Variants in LRRTM4 observed in about 807,000 individuals in gnomAD.
LRRTM4 encodes leucine rich repeat transmembrane neuronal 4, also known as leucine-rich repeat transmembrane neuronal protein 4.
LRRTM4 carries 25 observed loss-of-function variants against 47.6 expected under a neutral mutation model. That is an observed-to-expected ratio of 0.53 (90% CI 0.38 to 0.73). LRRTM4 has a LOEUF of 0.73. Ranked by LOEUF, LRRTM4 falls within the 30% of genes least tolerant of loss-of-function variation. LRRTM4 has a pLI of 0.00. For synonymous variants in LRRTM4, 311 were observed against 269.5 expected (o/e 1.15, Z -1.51); for missense variants, 638 against 713.4 (o/e 0.89, Z 1.20).
chr2:77,357,271 A>G (rs1486071332), intron 3 of LRRTM4, among the ~76,000 whole-genome samples: 1 of 152,194 alleles, frequency 6.6e-6, no homozygotes. Context: ...AAATAAGAAT[A>G]ACGTCTTACA....
Position 77,285,794 on chromosome 2 carries a change from C to T in LRRTM4, c.1551+232524G>A, listed in dbSNP as rs142893094. Among the ~76,000 whole-genome samples the T allele has an allele frequency of 3.2e-3, 491 of 151,904 alleles. 2 individuals carry two copies. The highest frequency in any genetic ancestry group is 0.011 in the African/African-American group (470 of 41,472). ...GTCTAAAATAAAAGAAAATAAGCAACATATATTTTTAGGTATTCTATACCT... is the reference window on the plus strand; with the variant it reads ...GTCTAAAATAAAAGAAAATAAGCAATATATATTTTTAGGTATTCTATACCT... On this transcript the variant is annotated intron_variant, in intron 3 of 3. Coordinates refer to ENST00000409884, the MANE Select transcript of LRRTM4 (RefSeq NM_001134745.3).
rs568298302 is a variant in LRRTM4 at position 77,347,924 on chromosome 2, T to C, written c.1551+170394A>G. ...TAAGCATGTACATAATTAATGATGC[T>C]TGAACCGTGTCATATTACATAATTG... On this transcript the variant is annotated intron_variant, in intron 3 of 3. Coordinates refer to ENST00000409884, the MANE Select transcript of LRRTM4 (RefSeq NM_001134745.3). Among the ~76,000 whole-genome samples the C allele has an allele frequency of 2.6e-5, 4 of 152,120 alleles. No homozygotes were observed. In the South Asian group the frequency reaches 8.3e-4, roughly 32 times the overall value.
intron 3 of LRRTM4, among the ~76,000 whole-genome samples, chr2:76,923,456 A>T (rs1674495440): frequency 6.6e-6 from 1 of 152,034 alleles, no homozygotes; most frequent in Non-Finnish European, 1.5e-5. Flanking sequence ...GAGCAAAAAA[A>T]AGACAGGGTG....
chr2:77,223,828 A>G lies in LRRTM4; in HGVS notation c.1551+294490T>C, dbSNP rs183017330. Reference sequence around the variant, plus strand: ...CAATGCCATCCCTATCAAGCTACCAATGACTTTCTTTACAGAATTGGAAAA... The same window carrying G: ...CAATGCCATCCCTATCAAGCTACCAGTGACTTTCTTTACAGAATTGGAAAA... On this transcript the variant is annotated intron_variant, in intron 3 of 3. Transcript: ENST00000409884. 4.3e-3 allele frequency among the ~76,000 whole-genome samples: 651 copies of G among 152,328 alleles called. 5 individuals carry two copies. The highest frequency in any genetic ancestry group is 0.015 in the African/African-American group (625 of 41,576).
chr2:77,452,265 T>C (rs550287170), intron 3 of LRRTM4, among the ~76,000 whole-genome samples: 13 of 152,118 alleles, frequency 8.5e-5, no homozygotes, highest in Non-Finnish European at 1.8e-4. Context: ...CAGCATGCAA[T>C]AGGGTGACAG....
intron 3 of LRRTM4, among the ~76,000 whole-genome samples, chr2:76,858,266 G>A (rs754490257): frequency 6.6e-6 from 1 of 152,072 alleles, no homozygotes. Context: ...CCAGGTGAAC[G>A]CCTGAAAAAA....
intron 3 of LRRTM4, among the ~76,000 whole-genome samples, chr2:76,757,386 C>T (rs1214773978): frequency 6.6e-6 from 1 of 152,000 alleles, no homozygotes. Flanking sequence ...GCTCTCCTAC[C>T]AGGATTTGTT....
At chr2:77,195,424 C>T (rs531604570) in intron 3 of LRRTM4, among the ~76,000 whole-genome samples, 4 of 152,070 alleles carry the variant, frequency 2.6e-5, no homozygotes, top group African/African-American at 4.8e-5. Flanking sequence ...ATAAACAAGA[C>T]CATTACACGT....
chr2:77,351,531 T>C (rs963359494), intron 3 of LRRTM4, among the ~76,000 whole-genome samples: 2 of 150,986 alleles, frequency 1.3e-5, no homozygotes, highest in African/African-American at 4.9e-5. Flanking sequence ...ATAAACCAAA[T>C]GATTTGGAAA....
intron 3 of LRRTM4, among the ~76,000 whole-genome samples, chr2:77,065,583 G>C (rs765773489): frequency 6.6e-6 from 1 of 152,110 alleles, no homozygotes; most frequent in African/African-American, 2.4e-5. Context: ...AGAATAACAC[G>C]TTGGATTATA....
chr2:77,371,446 T>G (rs1325763033), intron 3 of LRRTM4, among the ~76,000 whole-genome samples: 1 of 151,798 alleles, frequency 6.6e-6, no homozygotes, highest in Middle Eastern at 3.2e-3. Flanking sequence ...AAATTTTCTC[T>G]GTACCAAATT....
At chr2:76,936,672 T>C (rs1216881401) in intron 3 of LRRTM4, among the ~76,000 whole-genome samples, 1 of 151,120 alleles carries the variant, frequency 6.6e-6, no homozygotes, top group Admixed American at 6.6e-5. Context: ...AAGATCCACC[T>C]GGCCGGGCAC....
chr2:76,990,058 A>G (rs1676948623), intron 3 of LRRTM4: 1 of 151,758 alleles, frequency 6.6e-6, no homozygotes, highest in Non-Finnish European at 1.5e-5. Flanking sequence ...AGCATCCATA[A>G]AAGTTCTTTC....
chr2:77,349,882 A>G (rs1367533009), intron 3 of LRRTM4, among the ~76,000 whole-genome samples: 1 of 152,168 alleles, frequency 6.6e-6, no homozygotes, highest in African/African-American at 2.4e-5. Context: ...GCTAGCTAGG[A>G]GAATATAATA....
chr2:77,116,274 A>C (rs1425438194), intron 3 of LRRTM4, among the ~76,000 whole-genome samples: 1 of 152,274 alleles, frequency 6.6e-6, no homozygotes, highest in East Asian at 1.9e-4. Context: ...GTTTGAAAAA[A>C]AAAAAGAAAA....
intron 3 of LRRTM4, among the ~76,000 whole-genome samples, chr2:76,961,159 C>G (rs1675845043): frequency 6.6e-6 from 1 of 151,278 alleles, no homozygotes; most frequent in South Asian, 2.1e-4. Flanking sequence ...TACAGGCTTT[C>G]CTAACTATCT....
At chr2:77,223,788 G>A (rs1176944424) in intron 3 of LRRTM4, among the ~76,000 whole-genome samples, 2 of 152,104 alleles carry the variant, frequency 1.3e-5, no homozygotes, top group Non-Finnish European at 2.9e-5. Context: ...TACTGCCCAA[G>A]GTAATTGATA....
chr2:77,036,014 A>T (rs1373783349), intron 3 of LRRTM4, among the ~76,000 whole-genome samples: 5 of 151,798 alleles, frequency 3.3e-5, no homozygotes, highest in African/African-American at 9.7e-5. Flanking sequence ...TCTTTAATTA[A>T]TTAAGACATA....
intron 3 of LRRTM4, among the ~76,000 whole-genome samples, chr2:77,046,541 G>C (rs1030533015): frequency 4.6e-5 from 7 of 151,924 alleles, no homozygotes; most frequent in African/African-American, 1.7e-4. Context: ...AGGAGCCTTT[G>C]GCAGAATGAC....
Sources: allele counts gnomAD v4.1 joint callset (sites outside exome capture counted in the v4.1 genomes callset), GRCh38; gene constraint gnomAD v4.1.1; transcripts MANE v1.5; gene names NCBI Gene and HGNC (gene_info 2026-07-23, HGNC 2026-07-21).